NUP188: variants seen among roughly 807,000 people sequenced by gnomAD.
NUP188 encodes the protein nucleoporin 188, also known as nucleoporin NUP188.
A neutral mutation model predicts 223.0 loss-of-function variants in NUP188; 97 were observed. The ratio of observed to expected loss-of-function variants is 0.43; its 90% CI spans 0.37 to 0.51. The LOEUF is 0.51. Ranked by LOEUF, NUP188 falls within the 20% of genes least tolerant of loss-of-function variation. The pLI is 0.00. For missense variants in NUP188, 1,947 were observed against 2,175.6 expected, an observed-to-expected ratio of 0.89 and a Z score of 2.09; for synonymous variants, 869 against 828.0, an observed-to-expected ratio of 1.05 and a Z score of -0.85.
chr9:128,970,418 A>G (rs1842089430), intron 10 of NUP188, among the ~76,000 whole-genome samples: 1 of 152,200 alleles, frequency 6.6e-6, no homozygotes. Context: ...GAAAGGGGAA[A>G]AACATTGAGA....
At chr9:128,962,863 A>G (rs1016495852) in intron 8 of NUP188, among the ~76,000 whole-genome samples, 1 of 152,180 alleles carries the variant, frequency 6.6e-6, no homozygotes, top group African/African-American at 2.4e-5. Context: ...TTTAATTATG[A>G]TTTTTTAAAT....
chr9:128,979,435 A>T lies in NUP188; in HGVS notation c.1269+108A>T, dbSNP rs1001646012. 3 of 710,158 alleles carry T rather than the reference A, an allele frequency of 4.2e-6. No individual in the cohort carries two copies. The Admixed American group carries it at 7.2e-5, about 17-fold the overall frequency. 44.0% of individuals were successfully genotyped at this position (710,158 alleles called of 1,614,324 possible). A position where few individuals can be genotyped will look rare whatever the true frequency, so the allele number is the denominator to read the frequency against. On this transcript the variant is annotated intron_variant, in intron 13 of 43. Transcript: ENST00000372577. ...ATGTGCATTTTCTCATTTAATCTTC[A>T]TAAAAACGTATGAAGTAGATACTAT...
In NUP188 at chr9:128,998,175, T is replaced by C. The variant is rs1219836254; in HGVS notation, c.3376T>C (p.Ser1126Pro). 3.1e-6 allele frequency: 5 copies of C among 1,613,908 alleles called. No homozygotes were observed. The African/African-American group carries it at 5.3e-5, about 17-fold the overall frequency. Residue 1126 changes from serine to proline, a missense_variant, in exon 31 of 44, where the codon TCT becomes CCT. Physicochemically the swap from Ser to Pro is moderately conservative, Grantham distance 74. This residue lies in a region of NUP188 where 905 missense variants were observed against 990.6 expected (regional missense o/e 0.91). Transcript: ENST00000372577. ...THADIMHLTD[S>P]VVRRQLFLDV... ...GGCAGATATAATGCACCTGACTGAC[T>C]CTGTGGTGCGTCGCCAGCTCTTTCT... is the stretch of plus-strand genomic sequence containing the variant.
chr9:129,005,701 C>T lies in NUP188; in HGVS notation c.4794C>T (p.Thr1598=). ...FLFALSFTTP[T]FDSEVAPSFG... Reference sequence around the variant, plus strand: ...TTGCCCTGAGCTTTACCACTCCCACCTTTGACTCCGAAGTGGCCCCCTCCT... The same window carrying T: ...TTGCCCTGAGCTTTACCACTCCCACTTTTGACTCCGAAGTGGCCCCCTCCT... The change falls in exon 41 of 44, where the codon ACC becomes ACT. Residue 1598 remains threonine (T), a synonymous_variant. Coordinates refer to ENST00000372577, the MANE Select transcript of NUP188 (RefSeq NM_015354.3). The T allele has an allele frequency of 6.2e-7, 1 of 1,614,146 alleles. No individual in the cohort carries two copies. The highest frequency in any genetic ancestry group is 8.5e-7 in the Non-Finnish European group (1 of 1,180,010).
rs781239860 is a variant in NUP188 at position 129,006,321 on chromosome 9, C to A, written c.5026C>A (p.His1676Asn). The A allele has an allele frequency of 1.9e-6, 3 of 1,614,058 alleles. No homozygotes were observed. The East Asian group carries it at 6.7e-5, about 36-fold the overall frequency. Residue 1676 changes from histidine to asparagine, a missense_variant, in exon 43 of 44, where the codon CAC becomes AAC. Physicochemically the swap from His to Asn is moderately conservative, Grantham distance 68. Transcript: ENST00000372577. ...GCGGTACCTTAGGGACCCGGCTGTG[C>A]ACCCCCGGGACAAACAGCGGATGAA... Reference protein sequence around the residue: ...AMRYLRDPAVHPRDKQRMKQE... With the variant: ...AMRYLRDPAVNPRDKQRMKQE...
At chr9:128,993,488 G>A in intron 26 of NUP188, 37 bp from the exon 27 acceptor site, 1 of 1,613,626 alleles carries the variant, frequency 6.2e-7, no homozygotes, top group Middle Eastern at 1.6e-4. Flanking sequence ...GCTGGCAGTG[G>A]CTGTGGAACT....
chr9:129,004,281 CAA>C (rs560251172), intron 38 of NUP188, among the ~76,000 whole-genome samples: 36,383 of 89,190 alleles, frequency 0.41, 5,262 homozygotes, highest in Middle Eastern at 0.51. Flanking sequence ...GACTCCGTCT[CAA>C]AAAAAAAAAA....
At chr9:128,994,566 A>G (rs1414440836) in intron 28 of NUP188, 124 bp downstream of exon 28, 2 of 758,838 alleles carry the variant, frequency 2.6e-6, no homozygotes, top group Non-Finnish European at 4.5e-6. Flanking sequence ...TCCCTTCACT[A>G]GAAACGTCTT....
Position 128,973,192 on chromosome 9 carries a change from T to C in NUP188, c.1146T>C (p.Tyr382=), listed in dbSNP as rs1432945712. 1.9e-6 allele frequency: 3 copies of C among 1,613,772 alleles called. No homozygotes were observed. The highest frequency in any genetic ancestry group is 1.7e-5 in the Admixed American group (1 of 60,004). Residue 382 remains tyrosine, a synonymous_variant, in exon 12 of 44, where the codon TAT becomes TAC. Transcript: ENST00000372577. ...CTTSTACMCV[Y]GLLSFVLTSL... The stretch of plus-strand genomic sequence containing the variant: ...CCAGCACTGCATGCATGTGTGTCTA[T>C]GGACTGCTCTCTTTCGTTCTGACCT...
Position 129,005,486 on chromosome 9 carries a change from C to T in NUP188, c.4693C>T (p.Leu1565=). 2 of 1,606,050 alleles carry T rather than the reference C, an allele frequency of 1.2e-6. No individual in the cohort carries two copies. Among genetic ancestry groups the T allele is most frequent in the Non-Finnish European group, 1.7e-6 (2 of 1,179,978 alleles). ...GATCCTCAGCAAGACGCTGGCAGCCCTGCGCCACTTCACCCCAGATGTCTG... is the reference window on the plus strand; with the variant it reads ...GATCCTCAGCAAGACGCTGGCAGCCTTGCGCCACTTCACCCCAGATGTCTG... ...LKILSKTLAA[L]RHFTPDVCQI... The change falls in exon 40 of 44, where the codon CTG becomes TTG. Residue 1565 remains leucine, a synonymous_variant. Transcript: ENST00000372577.
At chr9:128,966,173 G>T (rs1157574971) in intron 8 of NUP188, among the ~76,000 whole-genome samples, 1 of 146,386 alleles carries the variant, frequency 6.8e-6, no homozygotes, top group Non-Finnish European at 1.5e-5. Context: ...GTGTGTGCGT[G>T]TGCCCAGCCT....
At position 129,005,321 on chromosome 9, in the gene NUP188, C is replaced by T. The variant is rs750370208; in HGVS notation, c.4528C>T (p.Leu1510Phe). ...HYLQNKNGDG[L>F]PSAVAQRVQR... ...TCCTTAGAACAAAAATGGGGATGGC[C>T]TCCCCTCAGCTGTTGCCCAGCGAGT... Residue 1510 changes from leucine to phenylalanine, a missense_variant, in exon 40 of 44, where the codon CTC (leucine) becomes TTC (phenylalanine). Leu to Phe is a conservative substitution (Grantham distance 22, BLOSUM62 0). Coordinates refer to ENST00000372577, the MANE Select transcript of NUP188 (RefSeq NM_015354.3). 5.0e-6 allele frequency: 8 copies of T among 1,614,100 alleles called. No homozygotes were observed. The highest frequency in any genetic ancestry group is 2.2e-5 in the East Asian group (1 of 44,886).
At chr9:128,952,665 G>A in intron 2 of NUP188, 108 bp from the exon 3 acceptor site, 1 of 838,442 alleles carries the variant, frequency 1.2e-6, no homozygotes, top group Non-Finnish European at 1.9e-6. Flanking sequence ...GGAGGTTGCA[G>A]TCAGCCAAGT....
At chr9:128,955,719 A>G (rs559541337) in intron 3 of NUP188, among the ~76,000 whole-genome samples, 6 of 151,986 alleles carry the variant, frequency 3.9e-5, no homozygotes, top group Non-Finnish European at 8.8e-5. Context: ...TTTCACTATA[A>G]GATGCTTCAA....
chr9:128,957,942 C>T, intron 5 of NUP188, 68 bp from the exon 6 acceptor site: 2 of 1,130,608 alleles, frequency 1.8e-6, no homozygotes, highest in East Asian at 2.4e-5. Flanking sequence ...GTGAAGGTAT[C>T]TATCTTTTTT....
chr9:128,988,122 T>G lies in NUP188; in HGVS notation c.2469T>G (p.Asn823Lys), dbSNP rs1379007757. The G allele has an allele frequency of 6.2e-7, 1 of 1,614,220 alleles. No individual in the cohort carries two copies. Among genetic ancestry groups the G allele is most frequent in the Admixed American group, 1.7e-5 (1 of 60,024 alleles). ...TVKLAFSVTN[N>K]VIRLKPPSNV... ...AACTGGCATTCTCCGTCACCAACAA[T>G]GTTATTCGGCTGAAACCTCCTTCTA... The change falls in exon 24 of 44, where the codon AAT becomes AAG. Residue 823 changes from asparagine to lysine, a missense_variant. By Grantham distance (94) the Asn-to-Lys change is moderately conservative. Transcript: ENST00000372577.
intron 25 of NUP188, among the ~76,000 whole-genome samples, chr9:128,992,414 C>T (rs772282444): frequency 6.6e-5 from 10 of 152,018 alleles, no homozygotes; most frequent in East Asian, 1.9e-4. Context: ...AGGCTAGTCT[C>T]GAACTCCTGA....
chr9:128,974,401 T>TC (rs796804433), intron 12 of NUP188, among the ~76,000 whole-genome samples: 10 of 150,060 alleles, frequency 6.7e-5, no homozygotes, highest in African/African-American at 2.4e-4. Context: ...TTTTTTTTTT[T>TC]TTTTTTTTGA....
In NUP188 at chr9:128,973,145, C is replaced by G. The variant is rs752719226; in HGVS notation, c.1114-15C>G. 32 of 1,574,526 alleles carry G rather than the reference C, an allele frequency of 2.0e-5. No individual in the cohort carries two copies. The highest frequency in any genetic ancestry group is 2.6e-5 in the Non-Finnish European group (30 of 1,145,906). ...TATTACTCAGAATGATTCACTGACT[C>G]CTTTGTCATTCCAGTGCACCACCAG... is the stretch of plus-strand genomic sequence containing the variant. On this transcript the variant is annotated splice_polypyrimidine_tract_variant and intron_variant, in intron 11 of 43. Coordinates refer to ENST00000372577, the MANE Select transcript of NUP188 (RefSeq NM_015354.3).
Sources: gnomAD v4.1 joint callset for allele counts (sites outside exome capture counted in the v4.1 genomes callset) on GRCh38, gnomAD v4.1.1 for gene constraint, gnomAD v4.1.1 regional missense constraint, MANE v1.5 for transcripts, NCBI Gene and HGNC (gene_info 2026-07-23, HGNC 2026-07-21) for gene names.